Variants in PRKG1 observed in about 807,000 individuals in gnomAD.
PRKG1 encodes protein kinase cGMP-dependent 1, also known as cGMP-dependent protein kinase 1.
In PRKG1, 35 loss-of-function variants were observed where a neutral mutation model predicts 88.1. That is an observed-to-expected ratio of 0.40 (90% CI 0.30 to 0.53). PRKG1 has a LOEUF of 0.53. Ranked by LOEUF, PRKG1 falls within the 20% of genes least tolerant of loss-of-function variation. The probability of loss-of-function intolerance (pLI) is 0.59; values close to 1 mark genes in which losing one functional copy is unlikely to be tolerated. For missense variants in PRKG1, 540 were observed against 839.8 expected (o/e 0.64, Z 4.41); for synonymous variants, 303 against 292.5 (o/e 1.04, Z -0.37).
At position 51,748,834 on chromosome 10, in the gene PRKG1, A is replaced by G. The variant is rs181843750; in HGVS notation, c.593-55751A>G. Among the ~76,000 whole-genome samples the G allele has an allele frequency of 1.4e-3, 211 of 152,370 alleles. 1 individual carries two copies. The highest frequency in any genetic ancestry group is 4.7e-3 in the African/African-American group (194 of 41,590). On this transcript the variant is annotated intron_variant, in intron 3 of 17. Transcript: ENST00000373980. ...ACCAAACATATGTAACACTCTCAAAATAGCATCCAATCATATGCTACTATA... is the reference window on the plus strand; with the variant it reads ...ACCAAACATATGTAACACTCTCAAAGTAGCATCCAATCATATGCTACTATA...
In PRKG1 at chr10:52,175,561, G is replaced by A. The variant is rs1838840408; in HGVS notation, c.1076+13598G>A. 2.6e-5 allele frequency among the ~76,000 whole-genome samples: 4 copies of A among 151,882 alleles called. No individual in the cohort carries two copies. The South Asian group carries it at 8.3e-4, about 31-fold the overall frequency. ...TCATTTTCTTTTTAGTTTTTTTCGTGGAACTTCATACTGTTCTCCATAGTG... is the reference window on the plus strand; with the variant it reads ...TCATTTTCTTTTTAGTTTTTTTCGTAGAACTTCATACTGTTCTCCATAGTG... On this transcript the variant is annotated intron_variant, in intron 9 of 17. Coordinates refer to ENST00000373980, the MANE Select transcript of PRKG1 (RefSeq NM_006258.4).
chr10:51,378,443 C>A (rs1403091674), intron 2 of PRKG1, among the ~76,000 whole-genome samples: 3 of 152,146 alleles, frequency 2.0e-5, no homozygotes, highest in Non-Finnish European at 2.9e-5. Context: ...GATCTGTAGA[C>A]CTGAGCTAAT....
Position 50,991,534 on chromosome 10 carries a change from C to T in PRKG1, c.156C>T (p.Thr52=). ...AGTCGGTGCTCCCAGTGCCCTCGAC[C>T]CACATCGGCCCCCGGACCACCCGGG... is the stretch of plus-strand genomic sequence containing the variant. The change falls in exon 1 of 18, where the codon ACC becomes ACT. Residue 52 remains threonine (T), a synonymous_variant. Transcript: ENST00000401604. This position sits in a 1 kb window ranked among gnomAD's most constrained non-coding sequence, Gnocchi z 4.5. 1 of 1,610,750 alleles carries T rather than the reference C, an allele frequency of 6.2e-7. No homozygotes were observed. The highest frequency in any genetic ancestry group is 1.3e-5 in the African/African-American group (1 of 74,856).
chr10:51,291,528 T>G, intron 2 of PRKG1, among the ~76,000 whole-genome samples: 1 of 152,160 alleles, frequency 6.6e-6, no homozygotes. Flanking sequence ...GTCTCCTTGC[T>G]CAGATTCTAT....
In PRKG1 at chr10:51,236,059, T is replaced by G. The variant is rs189950149; in HGVS notation, c.478+82729T>G. 6.8e-3 allele frequency among the ~76,000 whole-genome samples: 1,043 copies of G among 152,272 alleles called. 8 individuals carry two copies. The highest frequency in any genetic ancestry group is 9.8e-3 in the Non-Finnish European group (666 of 68,004). On this transcript the variant is annotated intron_variant, in intron 2 of 17. Coordinates refer to ENST00000373980, the MANE Select transcript of PRKG1 (RefSeq NM_006258.4). Reference sequence around the variant, plus strand: ...ACTGAGAATTTGCAGTCTAACAAGATCCCAGATGGTACTGATGCTCTTTGA... The same window carrying G: ...ACTGAGAATTTGCAGTCTAACAAGAGCCCAGATGGTACTGATGCTCTTTGA...
chr10:51,773,282 T>G (rs1228419433), intron 3 of PRKG1, among the ~76,000 whole-genome samples: 1 of 152,070 alleles, frequency 6.6e-6, no homozygotes, highest in East Asian at 1.9e-4. Context: ...TTTCTTCGAT[T>G]TAATATCTCA....
intron 5 of PRKG1, among the ~76,000 whole-genome samples, chr10:51,916,296 G>C (rs1226918445): frequency 1.3e-5 from 2 of 152,122 alleles, no homozygotes; most frequent in Non-Finnish European, 2.9e-5. Flanking sequence ...AATACAATAT[G>C]GTGACAAGAG....
intron 8 of PRKG1, among the ~76,000 whole-genome samples, chr10:52,137,151 A>G (rs968328627): frequency 6.6e-6 from 1 of 152,106 alleles, no homozygotes; most frequent in African/African-American, 2.4e-5. Context: ...CAAGCGAGGT[A>G]CCATGTTCCG....
chr10:51,316,712 A>AT (rs1841331460), intron 2 of PRKG1, among the ~76,000 whole-genome samples: 1 of 152,026 alleles, frequency 6.6e-6, no homozygotes, highest in Non-Finnish European at 1.5e-5. Flanking sequence ...AAATAAATAA[A>AT]AAGACAAAAA....
intron 2 of PRKG1, among the ~76,000 whole-genome samples, chr10:51,175,536 C>T (rs190617994): frequency 1.8e-4 from 27 of 151,934 alleles, no homozygotes; most frequent in East Asian, 9.7e-4. Flanking sequence ...TATTTCCACC[C>T]GGAAGATAAA....
At chr10:51,709,655 A>G (rs1328051114) in intron 3 of PRKG1, among the ~76,000 whole-genome samples, 1 of 152,210 alleles carries the variant, frequency 6.6e-6, no homozygotes, top group Non-Finnish European at 1.5e-5. Context: ...TGCAGGGAGA[A>G]TAAAGAAAGT....
intron 2 of PRKG1, among the ~76,000 whole-genome samples, chr10:51,379,948 T>C (rs1296574635): frequency 2.0e-5 from 3 of 152,196 alleles, no homozygotes; most frequent in Non-Finnish European, 4.4e-5. Flanking sequence ...TGAGGCATCT[T>C]ATACACAGAC....
At chr10:52,035,860 A>G (rs1347652820) in intron 5 of PRKG1, among the ~76,000 whole-genome samples, 2 of 152,224 alleles carry the variant, frequency 1.3e-5, no homozygotes, top group African/African-American at 4.8e-5. Context: ...GCACGCAGAC[A>G]TGAGGGCTAG....
At chr10:51,918,089 T>C (rs1842382418) in intron 5 of PRKG1, among the ~76,000 whole-genome samples, 1 of 152,174 alleles carries the variant, frequency 6.6e-6, no homozygotes, top group African/African-American at 2.4e-5. Flanking sequence ...GTAATAACAA[T>C]AGTACTATTC....
chr10:51,798,486 C>T lies in PRKG1; in HGVS notation c.593-6099C>T, dbSNP rs575138974. On this transcript the variant is annotated intron_variant, in intron 3 of 17. Coordinates refer to ENST00000373980, the MANE Select transcript of PRKG1 (RefSeq NM_006258.4). Reference sequence around the variant, plus strand: ...ACTTTGATAAAAGGAAAAATTTTTCCCAAAACATAAAATTTACTTGGCTGA... The same window carrying T: ...ACTTTGATAAAAGGAAAAATTTTTCTCAAAACATAAAATTTACTTGGCTGA... 2.0e-3 allele frequency among the ~76,000 whole-genome samples: 308 copies of T among 151,932 alleles called. 1 individual carries two copies. Among genetic ancestry groups the T allele is most frequent in the African/African-American group, 7.2e-3 (299 of 41,484 alleles).
intron 5 of PRKG1, among the ~76,000 whole-genome samples, chr10:51,912,938 TA>T (rs58559982): frequency 0.025 from 3,753 of 152,148 alleles, 173 homozygotes; most frequent in African/African-American, 0.086. Flanking sequence ...ATTTTATTAT[TA>T]TTTTTTTGAG....
At chr10:52,168,396 G>A (rs1838554642) in intron 9 of PRKG1, among the ~76,000 whole-genome samples, 1 of 152,078 alleles carries the variant, frequency 6.6e-6, no homozygotes, top group South Asian at 2.1e-4. Context: ...CCTCAAAGTG[G>A]GAAGCAACAT....
At chr10:51,828,851 A>G (rs545929728) in intron 4 of PRKG1, among the ~76,000 whole-genome samples, 165 of 152,368 alleles carry the variant, frequency 1.1e-3, no homozygotes, top group Non-Finnish European at 2.0e-3. Flanking sequence ...CAAGTTTAAA[A>G]GAAGCTAAAG....
chr10:51,513,474 C>T (rs1841480641), intron 3 of PRKG1, among the ~76,000 whole-genome samples: 1 of 110,262 alleles, frequency 9.1e-6, no homozygotes, highest in African/African-American at 3.0e-5. Flanking sequence ...AGGAATTGAA[C>T]TCAGCGCTGC....
Sources: allele counts gnomAD v4.1 joint callset (sites outside exome capture counted in the v4.1 genomes callset), GRCh38; gene constraint gnomAD v4.1.1; non-coding constraint Gnocchi (gnomAD v3.1); transcripts MANE v1.5; gene names NCBI Gene and HGNC (gene_info 2026-07-23, HGNC 2026-07-21).